GTSE1: variants seen among roughly 807,000 people sequenced by gnomAD.
The protein encoded by GTSE1 is G2 and S phase-expressed protein 1.
Under a neutral mutation model 60.5 loss-of-function variants are expected in GTSE1, and 52 were observed. The ratio of observed to expected loss-of-function variants is 0.86; its 90% CI spans 0.69 to 1.08. The LOEUF is 1.08. Ranked by LOEUF, GTSE1 falls within the 50% of genes least tolerant of loss-of-function variation. GTSE1 has a pLI of 0.00. For missense variants in GTSE1, 937 were observed against 961.8 expected (o/e 0.97, Z 0.34); for synonymous variants, 368 against 386.5 (o/e 0.95, Z 0.56).
chr22:46,326,873 G>T, intron 9 of GTSE1: 2 of 462,716 alleles, frequency 4.3e-6, no homozygotes, highest in East Asian at 7.6e-5. Flanking sequence ...GTAATTCTCT[G>T]ATAATCAATT....
rs749785789 is a variant in GTSE1 at position 46,316,141 on chromosome 22, A to G, written c.1161A>G (p.Ala387=). 6.2e-6 allele frequency: 10 copies of G among 1,609,746 alleles called. No individual in the cohort carries two copies. Among genetic ancestry groups the G allele is most frequent in the Non-Finnish European group, 7.6e-6 (9 of 1,176,930 alleles). The change falls in exon 7 of 12, where the codon GCA becomes GCG. Residue 387 remains alanine, a synonymous_variant. Coordinates refer to ENST00000454366, the MANE Select transcript of GTSE1 (RefSeq NM_016426.7). The surrounding 1 kb of genome is among the most constrained non-coding windows in gnomAD (Gnocchi z 5.0). ...GPAMLRPALP[A]GPVGASSWQA... Reference sequence around the variant, plus strand: ...CCATGCTGCGGCCAGCTCTGCCTGCAGGCCCTGTGGGGGCATCCTCCTGGC... The same window carrying G: ...CCATGCTGCGGCCAGCTCTGCCTGCGGGCCCTGTGGGGGCATCCTCCTGGC...
Position 46,324,766 on chromosome 22 carries a change from T to G in GTSE1, c.1505+1504T>G, listed in dbSNP as rs1214097159. ...CTAGAACTTCGCGGAGAGCAGCAGC[T>G]GGGGTTGACAGCAGTTGCTCTCTGG... On this transcript the variant is annotated intron_variant, in intron 8 of 11. Coordinates refer to ENST00000454366, the MANE Select transcript of GTSE1 (RefSeq NM_016426.7). The surrounding 1 kb of genome is among the most constrained non-coding windows in gnomAD (Gnocchi z 5.2). 6.6e-6 allele frequency among the ~76,000 whole-genome samples: 1 copy of G among 152,190 alleles called. No homozygotes were observed. Among genetic ancestry groups the G allele is most frequent in the Admixed American group, 6.5e-5 (1 of 15,272 alleles).
chr22:46,308,831 G>A lies in GTSE1; in HGVS notation c.650G>A (p.Cys217Tyr). 1 of 1,613,322 alleles carries A rather than the reference G, an allele frequency of 6.2e-7. No homozygotes were observed. Among genetic ancestry groups the A allele is most frequent in the Non-Finnish European group, 8.5e-7 (1 of 1,180,038 alleles). ...HSAHALPRES[C>Y]TAHAASQAAT... ...GCTCATGCTTTGCCCAGGGAATCATGCACTGCTCATGCTGCAAGTCAGGCA... is the reference window on the plus strand; with the variant it reads ...GCTCATGCTTTGCCCAGGGAATCATACACTGCTCATGCTGCAAGTCAGGCA... The change falls in exon 4 of 12, where the codon TGC becomes TAC. Residue 217 changes from cysteine (C) to tyrosine (Y), a missense_variant. Transcript: ENST00000454366.
rs747026610 is a variant in GTSE1, at chr22:46,316,335, G to A, written c.1355G>A (p.Arg452Gln). 30 of 1,612,734 alleles carry A rather than the reference G, an allele frequency of 1.9e-5. No homozygotes were observed. Among genetic ancestry groups the A allele is most frequent in the Admixed American group, 3.3e-5 (2 of 59,966 alleles). Residue 452 changes from arginine to glutamine, a missense_variant, in exon 7 of 12, where the codon CGA becomes CAA. By Grantham distance (43) the Arg-to-Gln change is conservative. Coordinates refer to ENST00000454366, the MANE Select transcript of GTSE1 (RefSeq NM_016426.7). This position sits in a 1 kb window ranked among gnomAD's most constrained non-coding sequence, Gnocchi z 5.0. ...AATAAGACTAGAAGTATCAGACGGC[G>A]AGATTCCTGTCTAAATTCCAAGACA... is the stretch of plus-strand genomic sequence containing the variant. The part of the protein sequence containing the change: ...QLNKTRSIRR[R>Q]DSCLNSKTKV...
At chr22:46,325,007 A>G (rs2077835644) in intron 8 of GTSE1, among the ~76,000 whole-genome samples, 1 of 152,130 alleles carries the variant, frequency 6.6e-6, no homozygotes, top group South Asian at 2.1e-4. Flanking sequence ...TTGGGCTACT[A>G]TAACAAACGT....
At chr22:46,311,386 G>A (rs2077747919) in intron 4 of GTSE1, among the ~76,000 whole-genome samples, 1 of 152,098 alleles carries the variant, frequency 6.6e-6, no homozygotes, top group Non-Finnish European at 1.5e-5. Context: ...CCGAGTACAG[G>A]TTCTTTTTTG....
At position 46,308,172 on chromosome 22, in the gene GTSE1, A is replaced by C. The variant is rs761724976; in HGVS notation, c.102A>C (p.Glu34Asp). Reference protein sequence around the residue: ...KKEDILLLADEKFDFDLSLSS... With the variant: ...KKEDILLLADDKFDFDLSLSS... ...TAGACATTCTTCTTTTGGCCGATGAAAAATTTGACTTCGATCTTTCATTGT... is the reference window on the plus strand; with the variant it reads ...TAGACATTCTTCTTTTGGCCGATGACAAATTTGACTTCGATCTTTCATTGT... Residue 34 changes from glutamate to aspartate, a missense_variant, in exon 3 of 12, where the codon GAA becomes GAC. Physicochemically the swap from Glu to Asp is conservative, Grantham distance 45. Transcript: ENST00000454366. 6.2e-7 allele frequency: 1 copy of C among 1,613,308 alleles called. No homozygotes were observed. Among genetic ancestry groups the C allele is most frequent in the Non-Finnish European group, 8.5e-7 (1 of 1,179,264 alleles).
intron 2 of GTSE1, among the ~76,000 whole-genome samples, chr22:46,307,298 T>C (rs1207556064): frequency 6.6e-6 from 1 of 152,214 alleles, no homozygotes; most frequent in Non-Finnish European, 1.5e-5. Flanking sequence ...TGTTGAACTA[T>C]GAATAGATGT....
chr22:46,328,883 T>C lies in GTSE1; in HGVS notation c.1920T>C (p.Pro640=), dbSNP rs1305457565. The C allele has an allele frequency of 6.2e-7, 1 of 1,612,326 alleles. No homozygotes were observed. The highest frequency in any genetic ancestry group is 1.1e-5 in the South Asian group (1 of 91,052). Residue 640 remains proline (P), a synonymous_variant, in exon 10 of 12, where the codon CCT becomes CCC. Transcript: ENST00000454366. The stretch of plus-strand genomic sequence containing the variant: ...CCAAGCCGGGTGGAGATGCAGCCCC[T>C]AGTGAGGTGGGCAGAACGGGCGCAG... ...EEAKPGGDAA[P]SEALLVDIKL... is the part of the protein sequence containing the mutation.
chr22:46,299,234 G>A (rs563326248), intron 2 of GTSE1, among the ~76,000 whole-genome samples: 2 of 152,356 alleles, frequency 1.3e-5, no homozygotes, highest in East Asian at 3.9e-4. Flanking sequence ...GTCTTCTGAG[G>A]CTGATTTCCC....
Position 46,304,271 on chromosome 22 carries a change from C to T in GTSE1, c.80-3879C>T, listed in dbSNP as rs1320956949. ...TCCCATAGTGCTGGGATTACAGGCA[C>T]AGGCCACCATACCTGGCCTACCTTT... On this transcript the variant is annotated intron_variant, in intron 2 of 11. Transcript: ENST00000454366. This position sits in a 1 kb window ranked among gnomAD's most constrained non-coding sequence, Gnocchi z 4.4. 2.0e-5 allele frequency among the ~76,000 whole-genome samples: 3 copies of T among 152,110 alleles called. No individual in the cohort carries two copies.
chr22:46,306,522 C>T (rs1314815121), intron 2 of GTSE1, among the ~76,000 whole-genome samples: 1 of 151,894 alleles, frequency 6.6e-6, no homozygotes, highest in African/African-American at 2.4e-5. Context: ...GCTGTGTCAC[C>T]CAGGCTGGAG....
At chr22:46,322,898 T>C (rs1447633946) in intron 7 of GTSE1, among the ~76,000 whole-genome samples, 2 of 152,210 alleles carry the variant, frequency 1.3e-5, no homozygotes, top group African/African-American at 4.8e-5. Context: ...TGATGGGATA[T>C]ACAGCCAGGG....
intron 2 of GTSE1, among the ~76,000 whole-genome samples, chr22:46,300,013 C>T (rs371785749): frequency 4.7e-4 from 69 of 145,852 alleles, no homozygotes; most frequent in African/African-American, 1.6e-3. Flanking sequence ...CTGTGTTAGC[C>T]AGGATGGTCT....
At chr22:46,327,739 T>C (rs2077852321) in intron 9 of GTSE1, among the ~76,000 whole-genome samples, 1 of 152,254 alleles carries the variant, frequency 6.6e-6, no homozygotes. Flanking sequence ...TTACACATTT[T>C]TATATATCTT....
rs1351115752 is a variant in GTSE1 at position 46,329,991 on chromosome 22, G to A, written c.2137-56G>A. 1.9e-6 allele frequency: 2 copies of A among 1,050,166 alleles called. No homozygotes were observed. Among genetic ancestry groups the A allele is most frequent in the Non-Finnish European group, 3.0e-6 (2 of 666,476 alleles). The allele number at this position is 1,050,166 out of a possible 1,614,324, so 65.1% of individuals were successfully genotyped here. A position where few individuals can be genotyped will look rare whatever the true frequency, so the allele number is the denominator to read the frequency against. ...GCAGCCAGTCCTCTGTGCAGGGAGGGGAAGGGAGGCCCTAGCCGGATCCAC... is the reference window on the plus strand; with the variant it reads ...GCAGCCAGTCCTCTGTGCAGGGAGGAGAAGGGAGGCCCTAGCCGGATCCAC... On this transcript the variant is annotated intron_variant, in intron 11 of 11. Transcript: ENST00000454366. This position sits in a 1 kb window ranked among gnomAD's most constrained non-coding sequence, Gnocchi z 6.4.
intron 8 of GTSE1, 32 bp from the exon 9 acceptor site, chr22:46,326,404 T>G: frequency 6.6e-7 from 1 of 1,525,226 alleles, no homozygotes; most frequent in Admixed American, 1.7e-5. Flanking sequence ...CTATGTCATC[T>G]CAGCTCACGA....
rs1384267041 is a variant in GTSE1, at chr22:46,308,877, G to A, written c.696G>A (p.Gly232=). 3 of 1,613,092 alleles carry A rather than the reference G, an allele frequency of 1.9e-6. No homozygotes were observed. Among genetic ancestry groups the A allele is most frequent in the African/African-American group, 2.7e-5 (2 of 74,944 alleles). Residue 232 remains glycine (G), a synonymous_variant, in exon 4 of 12, where the codon GGG becomes GGA. Transcript: ENST00000454366. ...AGGCAGCGACTCAGAGGAAGCCCGG[G>A]ACCAAATTGCTGCTGCCTCGAGCGG... ...ASQAATQRKP[G]TKLLLPRAAS...
intron 6 of GTSE1, among the ~76,000 whole-genome samples, chr22:46,315,023 G>A (rs2077770759): frequency 6.6e-6 from 1 of 151,718 alleles, no homozygotes; most frequent in Admixed American, 6.6e-5. Flanking sequence ...TGAGTAGCTG[G>A]GACTACAGGC....
Sources: gnomAD v4.1 joint callset for allele counts (sites outside exome capture counted in the v4.1 genomes callset) on GRCh38, gnomAD v4.1.1 for gene constraint, Gnocchi (gnomAD v3.1) non-coding constraint, MANE v1.5 for transcripts, NCBI Gene and HGNC (gene_info 2026-07-23, HGNC 2026-07-21) for gene names.